TBC1D9: variants seen among roughly 807,000 people sequenced by gnomAD.
The protein encoded by TBC1D9 is TBC1 domain family member 9, also known as TBC1 domain family member 9A.
In TBC1D9, 63 loss-of-function variants were observed where a neutral mutation model predicts 132.0. That is an observed-to-expected ratio of 0.48 (90% CI 0.39 to 0.59). The LOEUF (loss-of-function observed/expected upper bound fraction) is 0.59. Ranked by LOEUF, TBC1D9 falls within the 20% of genes least tolerant of loss-of-function variation. The pLI is 0.00. For synonymous variants in TBC1D9, 610 were observed against 609.9 expected, an observed-to-expected ratio of 1.00 and a Z score of 0.00; for missense variants, 1,261 against 1,592.7, an observed-to-expected ratio of 0.79 and a Z score of 3.54.
At chr4:140,699,933 T>TA (rs145874678) in intron 2 of TBC1D9, among the ~76,000 whole-genome samples, 6,707 of 152,126 alleles carry the variant, frequency 0.044, 182 homozygotes, top group Middle Eastern at 0.1. Flanking sequence ...AAATAAAAGT[T>TA]AAAAAAAGTG....
At chr4:140,689,438 C>G (rs1737839496) in intron 2 of TBC1D9, among the ~76,000 whole-genome samples, 1 of 74,026 alleles carries the variant, frequency 1.4e-5, no homozygotes, top group Admixed American at 1.2e-4. Context: ...CCCTTCCCCT[C>G]CCATTCCTTC....
rs573147201 is a variant in TBC1D9 at position 140,697,361 on chromosome 4, G to T, written c.241+4143C>A. Among the ~76,000 whole-genome samples the T allele has an allele frequency of 7.2e-5, 11 of 152,034 alleles. No individual in the cohort carries two copies. In the South Asian group the frequency reaches 1.0e-3, roughly 14 times the overall value. On this transcript the variant is annotated intron_variant, in intron 2 of 20. Transcript: ENST00000442267. ...CATGCCACTGAACTCCAGCCTAGGC[G>T]ACAGAGTAAGACATTGTCTCAAAAA...
At chr4:140,738,705 T>C (rs1738713981) in intron 1 of TBC1D9, among the ~76,000 whole-genome samples, 1 of 152,232 alleles carries the variant, frequency 6.6e-6, no homozygotes. Flanking sequence ...TGAACATTCA[T>C]ACAAACAAGT....
chr4:140,678,885 G>C, intron 5 of TBC1D9, 57 bp downstream of exon 5: 1 of 1,564,054 alleles, frequency 6.4e-7, no homozygotes, highest in South Asian at 1.2e-5. Flanking sequence ...CTGAATAAAT[G>C]AATGAGTGAG....
intron 2 of TBC1D9, among the ~76,000 whole-genome samples, chr4:140,688,722 A>G (rs1388131134): frequency 6.6e-6 from 1 of 152,202 alleles, no homozygotes; most frequent in Non-Finnish European, 1.5e-5. Flanking sequence ...TCTCAGAGAA[A>G]TACTATGAAA....
chr4:140,696,825 A>G (rs1425665431), intron 2 of TBC1D9, among the ~76,000 whole-genome samples: 1 of 152,254 alleles, frequency 6.6e-6, no homozygotes, highest in Non-Finnish European at 1.5e-5. Flanking sequence ...TCTACAAGGC[A>G]GTGATTTAGA....
At position 140,621,755 on chromosome 4, in the gene TBC1D9, A is replaced by G. The variant is rs749271319; in HGVS notation, c.*440T>C. ...TCGCTGACTATGCCTTCCATTTAAG[A>G]ACAGTCTTGCATTTGTGGCTTTTCA... is the stretch of plus-strand genomic sequence containing the variant. On this transcript the variant is annotated 3_prime_UTR_variant, in exon 21 of 21. Coordinates refer to ENST00000442267, the MANE Select transcript of TBC1D9 (RefSeq NM_015130.3). 2.3e-4 allele frequency: 36 copies of G among 153,364 alleles called. No individual in the cohort carries two copies. The highest frequency in any genetic ancestry group is 4.8e-4 in the Non-Finnish European group (33 of 68,876). 9.5% of individuals were successfully genotyped at this position (153,364 alleles called of 1,614,324 possible).
At chr4:140,637,540 C>G (rs78482742) in intron 15 of TBC1D9, among the ~76,000 whole-genome samples, 6,366 of 152,208 alleles carry the variant, frequency 0.042, 392 homozygotes, top group African/African-American at 0.13. Flanking sequence ...TTAGCTCCCC[C>G]CAGAATCCTG....
intron 1 of TBC1D9, among the ~76,000 whole-genome samples, chr4:140,719,556 A>G (rs1738391694): frequency 6.6e-6 from 1 of 152,182 alleles, no homozygotes. Context: ...GTAAAGGAAA[A>G]ATATGGCCTT....
At chr4:140,654,542 T>A (rs1037744729) in intron 13 of TBC1D9, among the ~76,000 whole-genome samples, 1 of 151,978 alleles carries the variant, frequency 6.6e-6, no homozygotes, top group South Asian at 2.1e-4. Context: ...CCCCATTATA[T>A]CCCACAAAAC....
At chr4:140,741,656 T>C (rs1299168090) in intron 1 of TBC1D9, among the ~76,000 whole-genome samples, 1 of 152,168 alleles carries the variant, frequency 6.6e-6, no homozygotes, top group Admixed American at 6.5e-5. Flanking sequence ...AGGCAGAGGA[T>C]GCAGTGAGCA....
chr4:140,750,196 C>A (rs1419218749), intron 1 of TBC1D9, among the ~76,000 whole-genome samples: 7 of 150,142 alleles, frequency 4.7e-5, no homozygotes, highest in Admixed American at 4.6e-4. Context: ...CCATACTTAA[C>A]AATGAACAAA....
In TBC1D9 at chr4:140,667,969, A is replaced by G. The variant is rs1380236792; in HGVS notation, c.1588+948T>C. Among the ~76,000 whole-genome samples the G allele has an allele frequency of 1.3e-5, 2 of 152,176 alleles. 1 individual carries two copies. The highest frequency in any genetic ancestry group is 2.9e-5 in the Non-Finnish European group (2 of 68,038). The stretch of plus-strand genomic sequence containing the variant: ...TTATTAATTTTAGTATCACTTTTTA[A>G]GAATAAAAGCTTTTAATAATAGCAT... On this transcript the variant is annotated intron_variant, in intron 9 of 20. Coordinates refer to ENST00000442267, the MANE Select transcript of TBC1D9 (RefSeq NM_015130.3).
At chr4:140,659,024 G>A (rs931698368) in intron 11 of TBC1D9, among the ~76,000 whole-genome samples, 6 of 152,082 alleles carry the variant, frequency 3.9e-5, no homozygotes, top group Admixed American at 2.6e-4. Context: ...ACAATATACT[G>A]TACAACCCAA....
In TBC1D9 at chr4:140,659,623, C is replaced by T. The variant is rs752645201; in HGVS notation, c.1886G>A (p.Arg629His). 4.5e-5 allele frequency: 72 copies of T among 1,603,440 alleles called. No individual in the cohort carries two copies. The highest frequency in any genetic ancestry group is 5.8e-5 in the Non-Finnish European group (68 of 1,175,090). Residue 629 changes from arginine to histidine, a missense_variant, in exon 11 of 21, where the codon CGC becomes CAC. Arg to His is a conservative substitution (Grantham distance 29). Coordinates refer to ENST00000442267, the MANE Select transcript of TBC1D9 (RefSeq NM_015130.3). ...GGTGTTGTAGTAATCTGGGAGCATG[C>T]GCTCACACAAAGCCACAAGCAGCCA... The part of the protein sequence containing the change: ...AFWLLVALCE[R>H]MLPDYYNTRV...
intron 1 of TBC1D9, among the ~76,000 whole-genome samples, chr4:140,705,342 G>C (rs1738133698): frequency 6.6e-6 from 1 of 152,082 alleles, no homozygotes; most frequent in African/African-American, 2.4e-5. Flanking sequence ...ATTTGTTTAA[G>C]ATTACTTGCA....
intron 1 of TBC1D9, among the ~76,000 whole-genome samples, chr4:140,754,594 G>A (rs921101096): frequency 6.8e-5 from 7 of 103,596 alleles, no homozygotes; most frequent in East Asian, 3.4e-4. Context: ...CAGCCTGGGC[G>A]ACAAAGCAGG....
intron 13 of TBC1D9, among the ~76,000 whole-genome samples, chr4:140,655,707 G>A (rs1366215718): frequency 6.6e-6 from 1 of 152,138 alleles, no homozygotes; most frequent in Non-Finnish European, 1.5e-5. Flanking sequence ...TTGTGAGATA[G>A]AGCGGCAGAT....
At chr4:140,696,998 T>G (rs1214600518) in intron 2 of TBC1D9, among the ~76,000 whole-genome samples, 1 of 152,158 alleles carries the variant, frequency 6.6e-6, no homozygotes, top group East Asian at 1.9e-4. Context: ...TTTAAAAATC[T>G]TAAGGGAGAA....
Sources: gnomAD v4.1 joint callset for allele counts (sites outside exome capture counted in the v4.1 genomes callset) on GRCh38, gnomAD v4.1.1 for gene constraint, MANE v1.5 for transcripts, NCBI Gene and HGNC (gene_info 2026-07-23, HGNC 2026-07-21) for gene names.